SPATA13: variants seen among roughly 807,000 people sequenced by gnomAD.
SPATA13 encodes the protein spermatogenesis-associated protein 13.
SPATA13 carries 50 observed loss-of-function variants against 104.0 expected under a neutral mutation model. The observed-to-expected ratio is 0.48, with a 90% CI of 0.38 to 0.61. SPATA13 has a LOEUF of 0.61. SPATA13 is among the 20% of genes least tolerant of loss of function. The probability of loss-of-function intolerance (pLI) is 0.00; values close to 1 mark genes in which losing one functional copy is unlikely to be tolerated. For missense variants in SPATA13, 1,524 were observed against 1,690.6 expected (o/e 0.90, Z 1.73); for synonymous variants, 606 against 667.5 (o/e 0.91, Z 1.42).
chr13:24,260,163 G>A (rs958457849), intron 4 of SPATA13, among the ~76,000 whole-genome samples: 2 of 152,154 alleles, frequency 1.3e-5, no homozygotes, highest in African/African-American at 2.4e-5. Flanking sequence ...CATGTCAGTC[G>A]GATCTGGGCT....
intron 3 of SPATA13, among the ~76,000 whole-genome samples, chr13:24,041,919 G>A (rs1360417627): frequency 2.6e-5 from 4 of 152,212 alleles, no homozygotes; most frequent in Admixed American, 6.5e-5. Context: ...CGGTCAATTG[G>A]AATGTATCTG....
intron 2 of SPATA13, 54 bp from the exon 3 acceptor site, chr13:24,249,423 T>C (rs1873346783): frequency 6.9e-7 from 1 of 1,455,034 alleles, no homozygotes; most frequent in East Asian, 2.5e-5. Context: ...GGCTTGTTCT[T>C]TCTTTAATAC....
intron 3 of SPATA13, among the ~76,000 whole-genome samples, chr13:24,145,991 G>C (rs996213696): frequency 6.6e-6 from 1 of 152,218 alleles, no homozygotes; most frequent in African/African-American, 2.4e-5. Flanking sequence ...GTCTGCAGCT[G>C]AATGTGGTGA....
In SPATA13 at chr13:24,176,283, C is replaced by T. The variant is rs150333842; in HGVS notation, c.-112+15351C>T. Among the ~76,000 whole-genome samples, 1,181 of 152,258 alleles carry T rather than the reference C, an allele frequency of 7.8e-3. 23 individuals are homozygous for T. The highest frequency in any genetic ancestry group is 0.027 in the African/African-American group (1,131 of 41,536). On this transcript the variant is annotated intron_variant, in intron 1 of 12. Coordinates refer to ENST00000382108, the MANE Select transcript of SPATA13 (RefSeq NM_001166271.3). ...CTACATAAGTCATGTTGAACTTAAACAGATCTGGTGTCAGTACTAAAGTTG... is the reference window on the plus strand; with the variant it reads ...CTACATAAGTCATGTTGAACTTAAATAGATCTGGTGTCAGTACTAAAGTTG...
chr13:24,142,672 TTCTTCCTCTTCC>T (rs542586258), intron 3 of SPATA13, among the ~76,000 whole-genome samples: 3 of 152,148 alleles, frequency 2.0e-5, no homozygotes, highest in African/African-American at 7.2e-5. Context: ...TTCCTCATCC[TTCTTCCTCTTCC>T]TCTTCCTCTT....
At chr13:24,145,883 T>C (rs954913876) in intron 3 of SPATA13, among the ~76,000 whole-genome samples, 1 of 152,160 alleles carries the variant, frequency 6.6e-6, no homozygotes, top group Non-Finnish European at 1.5e-5. Context: ...GAGAGAGCTC[T>C]ATGCTGATGG....
chr13:24,206,890 C>A (rs1440222569), intron 1 of SPATA13, among the ~76,000 whole-genome samples: 8 of 141,148 alleles, frequency 5.7e-5, no homozygotes, highest in African/African-American at 1.9e-4. Flanking sequence ...AACTCTGTCT[C>A]AAAAAAAAAA....
chr13:24,028,989 AT>A (rs901976572), intron 3 of SPATA13, among the ~76,000 whole-genome samples: 18 of 151,124 alleles, frequency 1.2e-4, no homozygotes, highest in African/African-American at 3.4e-4. Context: ...CTGGGCCAGT[AT>A]TTTTTTCTTT....
At chr13:24,192,066 A>T (rs1869790568) in intron 1 of SPATA13, among the ~76,000 whole-genome samples, 1 of 152,184 alleles carries the variant, frequency 6.6e-6, no homozygotes, top group Admixed American at 6.5e-5. Context: ...ACCACACAGG[A>T]GCTGAAGAGG....
chr13:24,198,197 G>C (rs148801027), intron 1 of SPATA13, among the ~76,000 whole-genome samples: 7,108 of 152,204 alleles, frequency 0.047, 227 homozygotes, highest in Middle Eastern at 0.071. Context: ...GTTTCACTGT[G>C]TTGGCCAGGC....
intron 2 of SPATA13, among the ~76,000 whole-genome samples, chr13:23,994,122 A>G (rs1438049088): frequency 6.6e-6 from 1 of 152,166 alleles, no homozygotes; most frequent in Non-Finnish European, 1.5e-5. Context: ...TTTTGGGGTA[A>G]AGGAAATGTA....
At chr13:24,154,283 T>C (rs1397586104) in intron 3 of SPATA13, among the ~76,000 whole-genome samples, 1 of 152,064 alleles carries the variant, frequency 6.6e-6, no homozygotes, top group Non-Finnish European at 1.5e-5. Context: ...AGTAAAACAA[T>C]CTAATTGTCC....
intron 3 of SPATA13, among the ~76,000 whole-genome samples, chr13:24,150,530 T>C (rs1882067787): frequency 6.6e-6 from 1 of 152,148 alleles, no homozygotes; most frequent in South Asian, 2.1e-4. Context: ...ATAGGAAGTA[T>C]AGAGAGATAA....
At chr13:24,184,180 G>A (rs1868998839) in intron 1 of SPATA13, among the ~76,000 whole-genome samples, 1 of 152,164 alleles carries the variant, frequency 6.6e-6, no homozygotes, top group Non-Finnish European at 1.5e-5. Context: ...ACCTGGTGCT[G>A]GCGCTTGCTG....
At chr13:24,103,903 A>G (rs112768628) in intron 3 of SPATA13, among the ~76,000 whole-genome samples, 1,812 of 152,196 alleles carry the variant, frequency 0.012, 44 homozygotes, top group African/African-American at 0.041. Context: ...TCTTAAAGGG[A>G]GTGTCCTCAC....
intron 1 of SPATA13, among the ~76,000 whole-genome samples, chr13:24,190,299 ATTATTAT>A (rs1566141658): frequency 0.094 from 444 of 4,716 alleles, 165 homozygotes; most frequent in Admixed American, 0.16. Flanking sequence ...AATATTATAT[ATTATTAT>A]ATATAATATA....
chr13:24,284,098 T>C, intron 4 of SPATA13, 37 bp from the exon 5 acceptor site: 1 of 1,574,000 alleles, frequency 6.4e-7, no homozygotes, highest in Non-Finnish European at 8.7e-7. Context: ...TTGTTAGCTG[T>C]GTCTTTTAAA....
At chr13:24,067,844 A>G (rs1879020501) in intron 3 of SPATA13, among the ~76,000 whole-genome samples, 1 of 152,158 alleles carries the variant, frequency 6.6e-6, no homozygotes, top group Non-Finnish European at 1.5e-5. Context: ...AGCTGGGACT[A>G]CAGGTGCCTG....
At chr13:24,164,353 G>A (rs903073830) in intron 1 of SPATA13, among the ~76,000 whole-genome samples, 2 of 152,206 alleles carry the variant, frequency 1.3e-5, no homozygotes, top group African/African-American at 2.4e-5. Flanking sequence ...CATGTTTAAT[G>A]CCTCTTTTGG....
Sources: gnomAD v4.1 joint callset for allele counts (sites outside exome capture counted in the v4.1 genomes callset) on GRCh38, gnomAD v4.1.1 for gene constraint, MANE v1.5 for transcripts, NCBI Gene and HGNC (gene_info 2026-07-23, HGNC 2026-07-21) for gene names.